The following DLGAP4 variants were observed in gnomAD, a reference collection of about 807,000 sequenced individuals.
DLGAP4 encodes DLG associated protein 4.
In DLGAP4, 18 loss-of-function variants were observed where a neutral mutation model predicts 86.9. The ratio of observed to expected loss-of-function variants is 0.21; its 90% CI spans 0.14 to 0.31. The LOEUF is 0.31. DLGAP4 is among the 10% of genes least tolerant of loss of function. DLGAP4 has a pLI of 1.00. For synonymous variants in DLGAP4, 548 were observed against 574.3 expected (o/e 0.95, Z 0.65); for missense variants, 1,085 against 1,362.6 (o/e 0.80, Z 3.21).
At position 36,390,627 on chromosome 20, in the gene DLGAP4, T is replaced by A. The variant is rs192806297; in HGVS notation, c.-73+23352T>A. ...GTCTAACTGAACTGCTGGTCACAGC[T>A]CCCTTCTCCAGGAGAGAGCAGGGTC... On this transcript the variant is annotated intron_variant, in intron 2 of 12. Transcript: ENST00000339266. 3.0e-3 allele frequency among the ~76,000 whole-genome samples: 464 copies of A among 152,196 alleles called. 2 individuals are homozygous for A. Among genetic ancestry groups the A allele is most frequent in the African/African-American group, 0.011 (451 of 41,516 alleles).
In DLGAP4 at chr20:36,492,131, G is replaced by A. The variant is rs546335291; in HGVS notation, c.1649-4574G>A. Among the ~76,000 whole-genome samples, 21 of 152,280 alleles carry A rather than the reference G, an allele frequency of 1.4e-4. No homozygotes were observed. The South Asian group carries it at 2.5e-3, about 18-fold the overall frequency. On this transcript the variant is annotated intron_variant, in intron 7 of 12. Coordinates refer to ENST00000339266, the MANE Select transcript of DLGAP4 (RefSeq NM_001365621.2). Reference sequence around the variant, plus strand: ...GGCCCCAGCGGGGGAGGAAGTGGCCGGGGTGAGGTATTGGAAGAGGTGGGG... The same window carrying A: ...GGCCCCAGCGGGGGAGGAAGTGGCCAGGGTGAGGTATTGGAAGAGGTGGGG...
chr20:36,379,963 C>T (rs1161110514), intron 2 of DLGAP4, among the ~76,000 whole-genome samples: 1 of 152,146 alleles, frequency 6.6e-6, no homozygotes, highest in Non-Finnish European at 1.5e-5. Flanking sequence ...GGGAGAATCG[C>T]TTGAGGTCAG....
At chr20:36,327,278 G>T (rs2065225053) in intron 1 of DLGAP4, among the ~76,000 whole-genome samples, 1 of 152,042 alleles carries the variant, frequency 6.6e-6, no homozygotes, top group African/African-American at 2.4e-5. Flanking sequence ...GGGATTACAG[G>T]CATGAGCCAC....
intron 7 of DLGAP4, chr20:36,461,970 G>A (rs1360192161): frequency 1.0e-6 from 1 of 984,688 alleles, no homozygotes; most frequent in African/African-American, 1.8e-5. Context: ...CACTCTTCGG[G>A]ACTCCCCCTC....
chr20:36,418,825 C>T (rs533656714), intron 2 of DLGAP4, among the ~76,000 whole-genome samples: 106 of 81,014 alleles, frequency 1.3e-3, no homozygotes, highest in African/African-American at 3.9e-3. Flanking sequence ...TCTTGTTGAC[C>T]AAACAACTAG....
intron 1 of DLGAP4, among the ~76,000 whole-genome samples, chr20:36,345,692 A>G (rs963399447): frequency 3.3e-5 from 5 of 152,116 alleles, no homozygotes; most frequent in Non-Finnish European, 7.4e-5. Context: ...AATGAGCAGA[A>G]TCCACCCACC....
intron 1 of DLGAP4, among the ~76,000 whole-genome samples, chr20:36,335,298 C>G (rs2065310632): frequency 1.3e-5 from 2 of 152,142 alleles, no homozygotes; most frequent in Non-Finnish European, 2.9e-5. Context: ...TGTAAATGGA[C>G]CTGTTGGTAG....
intron 2 of DLGAP4, among the ~76,000 whole-genome samples, chr20:36,371,755 G>T (rs996617019): frequency 5.4e-5 from 8 of 146,912 alleles, no homozygotes; most frequent in African/African-American, 1.5e-4. Flanking sequence ...AGAGGTTTTT[G>T]TTTTTTTTTT....
At chr20:36,392,890 G>A (rs1253902305) in intron 2 of DLGAP4, among the ~76,000 whole-genome samples, 1 of 151,868 alleles carries the variant, frequency 6.6e-6, no homozygotes, top group Admixed American at 6.5e-5. Flanking sequence ...GGTGAGAGAG[G>A]TGTCTCTGAG....
chr20:36,528,157 C>A lies in DLGAP4; in HGVS notation c.*1126C>A, dbSNP rs1279537918. 1.3e-5 allele frequency: 2 copies of A among 151,102 alleles called. No homozygotes were observed. Among genetic ancestry groups the A allele is most frequent in the Non-Finnish European group, 3.0e-5 (2 of 67,676 alleles). 9.4% of individuals were successfully genotyped at this position (151,102 alleles called of 1,614,324 possible). On this transcript the variant is annotated 3_prime_UTR_variant, in exon 13 of 13. Transcript: ENST00000339266. Reference sequence around the variant, plus strand: ...AGCCCTTTTTTTTTTTGGTCTCCACCCCCCTCCCCCCGCCCCGCACTCCTA... The same window carrying A: ...AGCCCTTTTTTTTTTTGGTCTCCACACCCCTCCCCCCGCCCCGCACTCCTA...
intron 1 of DLGAP4, among the ~76,000 whole-genome samples, chr20:36,344,624 C>T (rs2065417518): frequency 6.6e-6 from 1 of 152,226 alleles, no homozygotes; most frequent in Non-Finnish European, 1.5e-5. Flanking sequence ...ACTCATCTTC[C>T]TTTCTTAATC....
At chr20:36,447,900 G>GC (rs2033634919) in intron 7 of DLGAP4, among the ~76,000 whole-genome samples, 1 of 102,528 alleles carries the variant, frequency 9.8e-6, no homozygotes, top group Non-Finnish European at 2.1e-5. Context: ...TATCAGGGGG[G>GC]TGGGGGGGGG....
intron 1 of DLGAP4, among the ~76,000 whole-genome samples, chr20:36,320,824 G>A (rs6025782): frequency 6.6e-6 from 1 of 152,162 alleles, no homozygotes; most frequent in African/African-American, 2.4e-5. Context: ...TGCCGCCTAA[G>A]GCCACATCTC....
chr20:36,522,805 T>C (rs914043282), intron 10 of DLGAP4, among the ~76,000 whole-genome samples: 3 of 151,896 alleles, frequency 2.0e-5, no homozygotes, highest in Admixed American at 6.6e-5. Context: ...TGCTTTTCAG[T>C]GATTTCTAAG....
At position 36,432,080 on chromosome 20, in the gene DLGAP4, C is replaced by T. The variant is rs2033144879; in HGVS notation, c.363C>T (p.Thr121=). 1.9e-6 allele frequency: 3 copies of T among 1,614,066 alleles called. No homozygotes were observed. In the South Asian group the frequency reaches 3.3e-5, roughly 18 times the overall value. The change falls in exon 3 of 13, where the codon ACC becomes ACT. Residue 121 remains threonine (T), a synonymous_variant. Coordinates refer to ENST00000339266, the MANE Select transcript of DLGAP4 (RefSeq NM_001365621.2). The surrounding 1 kb of genome is among the most constrained non-coding windows in gnomAD (Gnocchi z 6.5). ...QLPIHRDGFS[T]LQFPRGEAKA... is the part of the protein sequence containing the mutation. ...CCATCCACCGTGATGGCTTCAGCAC[C>T]CTCCAATTTCCCCGTGGCGAGGCCA...
intron 10 of DLGAP4, 102 bp from the exon 11 acceptor site, chr20:36,524,148 G>A: frequency 1.1e-6 from 1 of 879,730 alleles, no homozygotes; most frequent in South Asian, 1.4e-5. Context: ...GAAATAATGA[G>A]TTCTACCCTA....
intron 2 of DLGAP4, among the ~76,000 whole-genome samples, chr20:36,400,368 C>A (rs898057461): frequency 1.3e-5 from 2 of 152,200 alleles, no homozygotes; most frequent in Non-Finnish European, 2.9e-5. Context: ...GTGCTGGCAT[C>A]TGATTCCTTC....
chr20:36,316,184 C>T (rs1211234814), intron 1 of DLGAP4, among the ~76,000 whole-genome samples: 4 of 152,146 alleles, frequency 2.6e-5, no homozygotes, highest in African/African-American at 9.7e-5. Flanking sequence ...ATCCCCGCCT[C>T]CTACCTGATT....
chr20:36,385,376 G>A (rs1409878423), intron 2 of DLGAP4, among the ~76,000 whole-genome samples: 1 of 152,158 alleles, frequency 6.6e-6, no homozygotes, highest in Non-Finnish European at 1.5e-5. Flanking sequence ...TCAGAAGAGA[G>A]AGTGGGTTGA....
Sources: allele counts gnomAD v4.1 joint callset (sites outside exome capture counted in the v4.1 genomes callset), GRCh38; gene constraint gnomAD v4.1.1; non-coding constraint Gnocchi (gnomAD v3.1); transcripts MANE v1.5; gene names NCBI Gene and HGNC (gene_info 2026-07-23, HGNC 2026-07-21).